PCMTD1: variants seen among roughly 807,000 people sequenced by gnomAD.
The protein encoded by PCMTD1 is protein-L-isoaspartate O-methyltransferase domain-containing protein 1.
PCMTD1 carries 12 observed loss-of-function variants against 37.6 expected under a neutral mutation model. The ratio of observed to expected loss-of-function variants is 0.32; its 90% CI spans 0.20 to 0.52. The LOEUF is 0.52. Among genes scored for constraint, PCMTD1 ranks in the 20% least tolerant of loss-of-function variants. The probability of loss-of-function intolerance (pLI) is 0.97; values close to 1 mark genes in which losing one functional copy is unlikely to be tolerated. For missense variants in PCMTD1, 235 were observed against 421.3 expected, an observed-to-expected ratio of 0.56 and a Z score of 3.87; for synonymous variants, 117 against 135.8, an observed-to-expected ratio of 0.86 and a Z score of 0.96.
intron 1 of PCMTD1, among the ~76,000 whole-genome samples, chr8:51,894,902 A>C (rs1189976436): frequency 1.3e-5 from 2 of 152,214 alleles, no homozygotes; most frequent in African/African-American, 4.8e-5. Flanking sequence ...AACAAGCAAG[A>C]AGAATCAGGC....
intron 3 of PCMTD1, among the ~76,000 whole-genome samples, chr8:51,837,063 A>C (rs986564790): frequency 3.3e-5 from 5 of 152,076 alleles, no homozygotes; most frequent in Non-Finnish European, 5.9e-5. Flanking sequence ...TTCTTGGGCC[A>C]GGGGGGCCTT....
chr8:51,841,646 T>C (rs571324803), intron 3 of PCMTD1, among the ~76,000 whole-genome samples: 1 of 147,470 alleles, frequency 6.8e-6, no homozygotes, highest in South Asian at 2.3e-4. Context: ...TTCAGGCTCC[T>C]TTAACATACT....
At chr8:51,839,605 C>T in intron 3 of PCMTD1, 1 of 985,358 alleles carries the variant, frequency 1.0e-6, no homozygotes, top group Non-Finnish European at 1.2e-6. Flanking sequence ...CTGTAGCTTC[C>T]CTCTTAGACG....
chr8:51,898,992 G>A lies in PCMTD1; in HGVS notation c.-158C>T. The A allele has an allele frequency of 6.6e-7, 1 of 1,507,322 alleles. No individual in the cohort carries two copies. Among genetic ancestry groups the A allele is most frequent in the Non-Finnish European group, 8.8e-7 (1 of 1,134,948 alleles). The allele number at this position is 1,507,322 out of a possible 1,614,324, so 93.4% of individuals were successfully genotyped here. The stretch of plus-strand genomic sequence containing the variant: ...GACTCGGCGGGGTCCGCAGCAGCCA[G>A]ACGCCGCTACCACCACAATAACAAC... On this transcript the variant is annotated 5_prime_UTR_variant, in exon 1 of 6. Coordinates refer to ENST00000522514, the MANE Select transcript of PCMTD1 (RefSeq NM_052937.4).
At chr8:51,895,988 C>T (rs554486546) in intron 1 of PCMTD1, 2 of 132,830 alleles carry the variant, frequency 1.5e-5, no homozygotes, top group Admixed American at 1.8e-4. Flanking sequence ...CTCTTTTGAC[C>T]AGGCTGGAGT....
intron 3 of PCMTD1, among the ~76,000 whole-genome samples, chr8:51,834,912 C>A (rs2038048580): frequency 6.6e-6 from 1 of 152,114 alleles, no homozygotes; most frequent in South Asian, 2.1e-4. Context: ...TCTTCATGCC[C>A]CCACGCTAAG....
intron 1 of PCMTD1, among the ~76,000 whole-genome samples, chr8:51,881,479 C>G (rs2038791390): frequency 6.6e-6 from 1 of 152,134 alleles, no homozygotes; most frequent in South Asian, 2.1e-4. Context: ...AGACTGTCAT[C>G]CTAATCCCAT....
chr8:51,891,457 G>C (rs1366320190), intron 1 of PCMTD1, among the ~76,000 whole-genome samples: 1 of 152,034 alleles, frequency 6.6e-6, no homozygotes. Flanking sequence ...TACTGGTGAG[G>C]TTGAGGTTGG....
rs757899843 is a variant in PCMTD1, at chr8:51,820,689, A to G, written c.736T>C (p.Leu246=). Residue 246 remains leucine, a synonymous_variant, in exon 6 of 6, where the codon TTG becomes CTG. Coordinates refer to ENST00000522514, the MANE Select transcript of PCMTD1 (RefSeq NM_052937.4). ...PPCAVRNLQD[L]ARIYIRRTLR... is the part of the protein sequence containing the mutation. ...GTGCGTCGAATGTAAATACGAGCCAAGTCCTGTAGATTCCTGACAGCACAG... is the reference window on the plus strand; with the variant it reads ...GTGCGTCGAATGTAAATACGAGCCAGGTCCTGTAGATTCCTGACAGCACAG... 17 of 1,612,706 alleles carry G rather than the reference A, an allele frequency of 1.1e-5. No individual in the cohort carries two copies. In the African/African-American group the frequency reaches 1.1e-4, roughly 10 times the overall value.
In PCMTD1 at chr8:51,829,391, A is replaced by G. The variant is rs530254995; in HGVS notation, c.706+2053T>C. ...AGGAACGGCTAGGCTTGTATGTTTC[A>G]GGTGTGTAAAAAGCAGCTGGCCATG... On this transcript the variant is annotated intron_variant, in intron 5 of 5. Coordinates refer to ENST00000522514, the MANE Select transcript of PCMTD1 (RefSeq NM_052937.4). 2.6e-5 allele frequency among the ~76,000 whole-genome samples: 4 copies of G among 152,272 alleles called. No homozygotes were observed. The East Asian group carries it at 7.7e-4, about 29-fold the overall frequency.
chr8:51,826,854 CA>C, intron 5 of PCMTD1: 5 of 829,070 alleles, frequency 6.0e-6, no homozygotes, highest in Non-Finnish European at 7.3e-6. Context: ...CAACCCCAAA[CA>C]AAAAAACCAC....
chr8:51,828,704 A>G (rs889098860), intron 5 of PCMTD1, among the ~76,000 whole-genome samples: 2 of 152,242 alleles, frequency 1.3e-5, no homozygotes, highest in East Asian at 1.9e-4. Flanking sequence ...TAGTTCCACC[A>G]TAAGTCAAGG....
intron 3 of PCMTD1, among the ~76,000 whole-genome samples, chr8:51,836,339 A>G (rs990931543): frequency 3.9e-5 from 6 of 152,254 alleles, no homozygotes; most frequent in African/African-American, 1.4e-4. Flanking sequence ...AATGTAAAAT[A>G]TCTAATTCTT....
chr8:51,878,018 G>A (rs2038737259), intron 1 of PCMTD1, among the ~76,000 whole-genome samples: 1 of 152,140 alleles, frequency 6.6e-6, no homozygotes, highest in Non-Finnish European at 1.5e-5. Context: ...ATGAATCTAA[G>A]CAAAGGGTAT....
At chr8:51,884,402 AG>A (rs992734825) in intron 1 of PCMTD1, among the ~76,000 whole-genome samples, 1 of 152,270 alleles carries the variant, frequency 6.6e-6, no homozygotes, top group African/African-American at 2.4e-5. Flanking sequence ...CTAAGTCAAA[AG>A]GAATGTACCA....
chr8:51,847,881 C>T (rs769147272), intron 2 of PCMTD1, among the ~76,000 whole-genome samples: 4 of 151,622 alleles, frequency 2.6e-5, no homozygotes, highest in Non-Finnish European at 5.9e-5. Flanking sequence ...ACTTCGAGAC[C>T]AGCCTGGGCA....
chr8:51,821,037 G>T (rs558867973), intron 5 of PCMTD1, among the ~76,000 whole-genome samples: 1 of 152,302 alleles, frequency 6.6e-6, no homozygotes, highest in Non-Finnish European at 1.5e-5. Flanking sequence ...GACAAGACCA[G>T]GAGAGAGACT....
chr8:51,882,337 C>T (rs1003701097), intron 1 of PCMTD1, among the ~76,000 whole-genome samples: 1 of 152,170 alleles, frequency 6.6e-6, no homozygotes, highest in Non-Finnish European at 1.5e-5. Flanking sequence ...ATTACTTCCT[C>T]GGAAGCCCCG....
intron 3 of PCMTD1, among the ~76,000 whole-genome samples, chr8:51,841,791 G>A (rs1233861246): frequency 2.0e-5 from 3 of 152,134 alleles, no homozygotes; most frequent in South Asian, 2.1e-4. Flanking sequence ...GCTAAAAACA[G>A]GATGTTTAGG....
Sources: allele counts gnomAD v4.1 joint callset (sites outside exome capture counted in the v4.1 genomes callset), GRCh38; gene constraint gnomAD v4.1.1; transcripts MANE v1.5; gene names NCBI Gene and HGNC (gene_info 2026-07-23, HGNC 2026-07-21).